BTRC: variants seen among roughly 807,000 people sequenced by gnomAD.
The protein encoded by BTRC is beta-transducin repeat containing E3 ubiquitin protein ligase.
In BTRC, 42 loss-of-function variants were observed where a neutral mutation model predicts 85.5. That is an observed-to-expected ratio of 0.49 (90% CI 0.38 to 0.64). The LOEUF is 0.64. Among genes scored for constraint, BTRC ranks in the 30% least tolerant of loss-of-function variants. The pLI is 0.00. For missense variants in BTRC, 594 were observed against 743.5 expected, an observed-to-expected ratio of 0.80 and a Z score of 2.34; for synonymous variants, 255 against 263.3, an observed-to-expected ratio of 0.97 and a Z score of 0.30.
At chr10:101,435,533 T>C (rs1944505779) in intron 2 of BTRC, among the ~76,000 whole-genome samples, 1 of 152,234 alleles carries the variant, frequency 6.6e-6, no homozygotes, top group African/African-American at 2.4e-5. Context: ...TCAGTAGTTC[T>C]CTTTTATTGT....
intron 1 of BTRC, among the ~76,000 whole-genome samples, chr10:101,374,001 G>C (rs1590215720): frequency 6.6e-6 from 1 of 151,800 alleles, no homozygotes; most frequent in African/African-American, 2.4e-5. Flanking sequence ...TGGAAAGCTG[G>C]GTGATGATTA....
chr10:101,513,791 C>T (rs752701001), intron 4 of BTRC, among the ~76,000 whole-genome samples: 1 of 152,144 alleles, frequency 6.6e-6, no homozygotes, highest in African/African-American at 2.4e-5. Flanking sequence ...AGGTAAGTAC[C>T]TAAAGTGGAA....
intron 1 of BTRC, among the ~76,000 whole-genome samples, chr10:101,428,965 C>G (rs1441789995): frequency 2.6e-5 from 4 of 152,100 alleles, no homozygotes; most frequent in African/African-American, 7.2e-5. Context: ...TTGCATGGCT[C>G]TCATTGTCCA....
chr10:101,547,368 A>G (rs1330151476), intron 13 of BTRC, among the ~76,000 whole-genome samples: 1 of 109,048 alleles, frequency 9.2e-6, no homozygotes, highest in Non-Finnish European at 1.7e-5. Context: ...ACGGAGTCTC[A>G]CTCTTGTTAC....
At chr10:101,521,541 A>C in intron 4 of BTRC, 98 bp from the exon 5 acceptor site, 1 of 845,250 alleles carries the variant, frequency 1.2e-6, no homozygotes, top group Non-Finnish European at 1.9e-6. Context: ...GGGCTCAATC[A>C]TGTAGACATA....
intron 2 of BTRC, among the ~76,000 whole-genome samples, chr10:101,434,235 T>C (rs545259725): frequency 2.0e-5 from 3 of 152,338 alleles, no homozygotes. Context: ...AAAGATATTT[T>C]AATACCATTT....
At chr10:101,508,932 A>AAAAAAAAAAAAC (rs1946616327) in intron 4 of BTRC, among the ~76,000 whole-genome samples, 1 of 150,794 alleles carries the variant, frequency 6.6e-6, no homozygotes, top group African/African-American at 2.4e-5. Context: ...AAAAAAAAAA[A>AAAAAAAAAAAAC]AAAACTAAAA....
chr10:101,542,121 T>C (rs2062477918), intron 13 of BTRC, among the ~76,000 whole-genome samples: 1 of 152,206 alleles, frequency 6.6e-6, no homozygotes. Flanking sequence ...AGATTTAATA[T>C]TTCTTTTGAA....
At chr10:101,362,819 AAG>A (rs1942251703) in intron 1 of BTRC, among the ~76,000 whole-genome samples, 1 of 152,222 alleles carries the variant, frequency 6.6e-6, no homozygotes, top group Admixed American at 6.5e-5. Flanking sequence ...TATTCAGAAA[AAG>A]AGACCACAAT....
intron 1 of BTRC, among the ~76,000 whole-genome samples, chr10:101,412,650 TAA>T (rs1943812886): frequency 6.6e-6 from 1 of 152,214 alleles, no homozygotes; most frequent in Non-Finnish European, 1.5e-5. Context: ...ACAATTTAGT[TAA>T]GTGACACTAG....
At chr10:101,511,126 G>A (rs150465950) in intron 4 of BTRC, among the ~76,000 whole-genome samples, 12 of 152,248 alleles carry the variant, frequency 7.9e-5, no homozygotes, top group African/African-American at 2.4e-4. Flanking sequence ...TCTAAACTCT[G>A]TAGGATGGCC....
At chr10:101,386,464 T>C (rs905994238) in intron 1 of BTRC, among the ~76,000 whole-genome samples, 8 of 152,226 alleles carry the variant, frequency 5.3e-5, no homozygotes, top group Non-Finnish European at 1.0e-4. Flanking sequence ...ATCTATCTAA[T>C]TAGCTCATTC....
At chr10:101,511,893 T>A (rs767789262) in intron 4 of BTRC, among the ~76,000 whole-genome samples, 1 of 152,114 alleles carries the variant, frequency 6.6e-6, no homozygotes, top group Non-Finnish European at 1.5e-5. Context: ...TCAAGTGATC[T>A]GTCCGCCTCA....
chr10:101,431,070 C>CTTTTTTTTTTTTTTT (rs748703752), intron 2 of BTRC, among the ~76,000 whole-genome samples: 4 of 71,294 alleles, frequency 5.6e-5, no homozygotes, highest in African/African-American at 2.3e-4. Flanking sequence ...CTCAGCCTTT[C>CTTTTTTTTTTTTTTT]TTTTTTTTTT....
Position 101,363,426 on chromosome 10 carries a change from T to C in BTRC, c.48+9198T>C, listed in dbSNP as rs1018881076. Among the ~76,000 whole-genome samples, 3 of 152,140 alleles carry C rather than the reference T, an allele frequency of 2.0e-5. No homozygotes were observed. The East Asian group carries it at 5.8e-4, about 29-fold the overall frequency. Reference sequence around the variant, plus strand: ...TAGAAGCACAAAGTGCTATAGAATTTAAGGGAGGGGAAGTTCGTTTTTGTT... The same window carrying C: ...TAGAAGCACAAAGTGCTATAGAATTCAAGGGAGGGGAAGTTCGTTTTTGTT... On this transcript the variant is annotated intron_variant, in intron 1 of 14. Transcript: ENST00000370187.
intron 1 of BTRC, among the ~76,000 whole-genome samples, chr10:101,417,171 A>C (rs570280549): frequency 1.3e-5 from 2 of 152,302 alleles, no homozygotes; most frequent in African/African-American, 2.4e-5. Context: ...TTTGTCATCT[A>C]ATCCACAGAT....
intron 1 of BTRC, among the ~76,000 whole-genome samples, chr10:101,368,464 C>CTTTTTTTTTTTTTTTTTTTTTTTT (rs60190021): frequency 1.3e-5 from 1 of 75,360 alleles, no homozygotes; most frequent in East Asian, 5.9e-4. Context: ...AACTGTTTTT[C>CTTTTTTTTTTTTTTTTTTTTTTTT]TTTTTTTTTT....
chr10:101,429,503 C>CA (rs1944343195), intron 1 of BTRC, among the ~76,000 whole-genome samples: 1 of 80,812 alleles, frequency 1.2e-5, no homozygotes, highest in African/African-American at 3.8e-5. Flanking sequence ...TTCCTCTCCC[C>CA]TCCCCCCCTC....
At chr10:101,403,379 A>G (rs1253043317) in intron 1 of BTRC, among the ~76,000 whole-genome samples, 3 of 152,190 alleles carry the variant, frequency 2.0e-5, no homozygotes, top group African/African-American at 4.8e-5. Context: ...CCGCCCTTGC[A>G]TTCCTAAGAT....
Sources: gnomAD v4.1 joint callset for allele counts (sites outside exome capture counted in the v4.1 genomes callset) on GRCh38, gnomAD v4.1.1 for gene constraint, MANE v1.5 for transcripts, NCBI Gene and HGNC (gene_info 2026-07-23, HGNC 2026-07-21) for gene names.